ASIC2: variants seen among roughly 807,000 people sequenced by gnomAD.
ASIC2 encodes acid sensing ion channel subunit 2, also known as acid-sensing ion channel 2.
Under a neutral mutation model 57.3 loss-of-function variants are expected in ASIC2, and 25 were observed. The observed-to-expected ratio is 0.44, with a 90% confidence interval of 0.32 to 0.61. The LOEUF is 0.61. Ranked by LOEUF, ASIC2 falls within the 20% of genes least tolerant of loss-of-function variation. ASIC2 has a pLI of 0.06. For missense variants in ASIC2, 641 were observed against 738.1 expected (o/e 0.87, Z 1.52); for synonymous variants, 319 against 307.5 (o/e 1.04, Z -0.39).
At chr17:33,382,115 G>A (rs949893558) in intron 1 of ASIC2, among the ~76,000 whole-genome samples, 3 of 152,072 alleles carry the variant, frequency 2.0e-5, no homozygotes, top group African/African-American at 7.2e-5. Flanking sequence ...CCAGACACCG[G>A]GCGCTGTCTC....
chr17:33,435,621 G>A (rs561380294), intron 1 of ASIC2, among the ~76,000 whole-genome samples: 1 of 152,286 alleles, frequency 6.6e-6, no homozygotes, highest in East Asian at 1.9e-4. Flanking sequence ...GACGGATCAA[G>A]CATTTATTCT....
intron 1 of ASIC2, among the ~76,000 whole-genome samples, chr17:33,153,023 A>G (rs188201612): frequency 6.6e-6 from 1 of 152,278 alleles, no homozygotes; most frequent in East Asian, 1.9e-4. Context: ...TCCTCCCAGG[A>G]GGCCCCTTCC....
chr17:33,215,846 C>T (rs2142092827), intron 1 of ASIC2, among the ~76,000 whole-genome samples: 1 of 152,194 alleles, frequency 6.6e-6, no homozygotes, highest in East Asian at 1.9e-4. Flanking sequence ...ACTACAGGCG[C>T]CCGCCACCTC....
At chr17:33,413,362 C>T (rs573070301) in intron 1 of ASIC2, among the ~76,000 whole-genome samples, 1 of 152,294 alleles carries the variant, frequency 6.6e-6, no homozygotes, top group East Asian at 1.9e-4. Context: ...AATGAGTAAC[C>T]ATCAATCAAT....
intron 1 of ASIC2, among the ~76,000 whole-genome samples, chr17:33,911,141 G>T (rs149513294): frequency 1.5e-3 from 228 of 152,342 alleles, no homozygotes; most frequent in African/African-American, 5.4e-3. Context: ...GCCCTTTGAA[G>T]ATCCCTTTGA....
intron 1 of ASIC2, among the ~76,000 whole-genome samples, chr17:33,303,226 G>T (rs944607512): frequency 3.7e-4 from 57 of 152,180 alleles, no homozygotes; most frequent in African/African-American, 1.3e-3. Flanking sequence ...AAAGTGGGTG[G>T]TGGCATAGTT....
At chr17:33,095,510 C>T (rs926289162) in intron 2 of ASIC2, among the ~76,000 whole-genome samples, 1 of 152,198 alleles carries the variant, frequency 6.6e-6, no homozygotes, top group African/African-American at 2.4e-5. Context: ...GCACAACTCA[C>T]CTCTGAGACA....
intron 1 of ASIC2, among the ~76,000 whole-genome samples, chr17:33,799,474 CTTT>C (rs1567719215): frequency 3.0e-5 from 4 of 131,418 alleles, no homozygotes; most frequent in East Asian, 2.2e-4. Context: ...TTCTTTCTTT[CTTT>C]CCTTCTTTCT....
intron 1 of ASIC2, among the ~76,000 whole-genome samples, chr17:33,126,587 C>T (rs2092323877): frequency 6.6e-6 from 1 of 152,114 alleles, no homozygotes. Flanking sequence ...GAGTTCAAGA[C>T]CAGCCTGGAC....
At chr17:33,250,542 C>G (rs1446577535) in intron 1 of ASIC2, among the ~76,000 whole-genome samples, 2 of 152,260 alleles carry the variant, frequency 1.3e-5, no homozygotes, top group South Asian at 4.1e-4. Context: ...CCGCGCTTAT[C>G]CCATGCGCCA....
At chr17:33,854,699 C>T (rs1913868601) in intron 1 of ASIC2, among the ~76,000 whole-genome samples, 1 of 152,040 alleles carries the variant, frequency 6.6e-6, no homozygotes, top group Non-Finnish European at 1.5e-5. Flanking sequence ...GTGAGTGGCC[C>T]CTGTGGATTG....
intron 1 of ASIC2, among the ~76,000 whole-genome samples, chr17:33,907,805 T>A (rs1915382340): frequency 6.6e-6 from 1 of 152,238 alleles, no homozygotes; most frequent in Non-Finnish European, 1.5e-5. Context: ...AGAGTTTAAT[T>A]CTGTACTGTC....
At chr17:33,773,310 A>G (rs1440487557) in intron 1 of ASIC2, among the ~76,000 whole-genome samples, 1 of 152,048 alleles carries the variant, frequency 6.6e-6, no homozygotes, top group Non-Finnish European at 1.5e-5. Context: ...ATAAGGTAAG[A>G]GCTATTTCTT....
At chr17:33,387,107 C>T (rs887557429) in intron 1 of ASIC2, among the ~76,000 whole-genome samples, 3 of 152,050 alleles carry the variant, frequency 2.0e-5, no homozygotes, top group Admixed American at 6.6e-5. Flanking sequence ...AGGCTGGTCT[C>T]GAACTCCTGA....
intron 1 of ASIC2, among the ~76,000 whole-genome samples, chr17:33,586,066 G>A (rs990447859): frequency 6.6e-6 from 1 of 152,188 alleles, no homozygotes; most frequent in Non-Finnish European, 1.5e-5. Context: ...TCTAAGTTGT[G>A]CCAGTGCTTC....
chr17:34,069,356 TTTTCTTTC>T (rs56965842), intron 1 of ASIC2: 14 of 132,508 alleles, frequency 1.1e-4, no homozygotes, highest in African/African-American at 2.2e-4. Context: ...TTTTCTTTCT[TTTTCTTTC>T]TTTCTTTCCT....
chr17:33,270,472 G>A (rs1305290010), intron 1 of ASIC2, among the ~76,000 whole-genome samples: 2 of 152,168 alleles, frequency 1.3e-5, no homozygotes, highest in Admixed American at 6.5e-5. Context: ...CATACACCCT[G>A]TTTAAAATTC....
At chr17:33,749,534 C>T (rs563342305) in intron 1 of ASIC2, among the ~76,000 whole-genome samples, 1 of 152,050 alleles carries the variant, frequency 6.6e-6, no homozygotes, top group South Asian at 2.1e-4. Flanking sequence ...GTGGTCCCAA[C>T]CTTAGCACCA....
At chr17:33,470,798 G>A (rs959143668) in intron 1 of ASIC2, among the ~76,000 whole-genome samples, 2 of 152,210 alleles carry the variant, frequency 1.3e-5, no homozygotes, top group African/African-American at 4.8e-5. Flanking sequence ...GGACATGCCA[G>A]AGGAGTTCAC....
Sources: gnomAD v4.1 joint callset for allele counts (sites outside exome capture counted in the v4.1 genomes callset) on GRCh38, gnomAD v4.1.1 for gene constraint, MANE v1.5 for transcripts, NCBI Gene and HGNC (gene_info 2026-07-23, HGNC 2026-07-21) for gene names.